Variants in MYO16 observed in about 807,000 individuals in gnomAD.
MYO16 encodes myosin XVI.
A neutral mutation model predicts 205.3 loss-of-function variants in MYO16; 94 were observed. That is an observed-to-expected ratio of 0.46 (90% CI 0.39 to 0.54). The LOEUF (loss-of-function observed/expected upper bound fraction) is 0.54, where lower values mean the gene tolerates loss of function less well. Ranked by LOEUF, MYO16 falls within the 20% of genes least tolerant of loss-of-function variation. The pLI, the probability that MYO16 is intolerant of heterozygous loss-of-function variation, is 0.00. For missense variants in MYO16, 2,315 were observed against 2,387.5 expected (o/e 0.97, Z 0.63); for synonymous variants, 988 against 954.0 (o/e 1.04, Z -0.66).
Position 109,177,514 on chromosome 13 carries a change from T to A in MYO16, c.5324-2028T>A, listed in dbSNP as rs1386604286. ...CTAATTTTATGTATTTATTTATTTA[T>A]TTATTATTTATTTATTTATGTTGAG... On this transcript the variant is annotated intron_variant, in intron 33 of 34. Transcript: ENST00000457511. Among the ~76,000 whole-genome samples, 5 of 151,752 alleles carry A rather than the reference T, an allele frequency of 3.3e-5. No individual in the cohort carries two copies. In the South Asian group the frequency reaches 8.3e-4, roughly 25 times the overall value.
At chr13:108,609,972 G>A (rs771513234) in intron 1 of MYO16, among the ~76,000 whole-genome samples, 1 of 151,916 alleles carries the variant, frequency 6.6e-6, no homozygotes, top group Non-Finnish European at 1.5e-5. Context: ...AAAGGAAATT[G>A]TCAGACCGTC....
At chr13:108,547,660 C>A in the MYO16 span, among the ~76,000 whole-genome samples, 1 of 152,144 alleles carries the variant, frequency 6.6e-6, no homozygotes, top group Non-Finnish European at 1.5e-5. Flanking sequence ...AGGCTATAGG[C>A]CATTTATCTA....
chr13:108,832,548 G>A (rs1004304474), intron 9 of MYO16, among the ~76,000 whole-genome samples: 1 of 151,942 alleles, frequency 6.6e-6, no homozygotes, highest in African/African-American at 2.4e-5. Flanking sequence ...GTTTCTGCTT[G>A]TTTCCCCAGC....
chr13:109,022,500 A>G (rs1164251302), intron 23 of MYO16, among the ~76,000 whole-genome samples: 1 of 50,254 alleles, frequency 2.0e-5, no homozygotes, highest in Non-Finnish European at 3.7e-5. Context: ...TATACAATAT[A>G]AACATATGTA....
intron 27 of MYO16, among the ~76,000 whole-genome samples, chr13:109,069,157 T>G (rs1363081654): frequency 1.3e-5 from 2 of 152,230 alleles, no homozygotes; most frequent in African/African-American, 2.4e-5. Flanking sequence ...ACTGGAAGTC[T>G]GCTTCCATTA....
At chr13:108,536,487 G>T in the MYO16 span, among the ~76,000 whole-genome samples, 1 of 151,400 alleles carries the variant, frequency 6.6e-6, no homozygotes, top group Admixed American at 6.6e-5. Flanking sequence ...GGGGGTGGGG[G>T]TTGAATTTTA....
In MYO16 at chr13:109,038,726, CT is replaced by C. The variant is rs981303317; in HGVS notation, c.2797-8181del. On this transcript the variant is annotated intron_variant, in intron 23 of 34. Coordinates refer to ENST00000457511, the MANE Select transcript of MYO16 (RefSeq NM_001198950.3). ...TCGGGCTGTCTTAGTCCAGATTATA[CT>C]TTTTTTTTAGAATCAAATTTGTTAT... Among the ~76,000 whole-genome samples the C allele has an allele frequency of 6.6e-5, 10 of 151,054 alleles. No individual in the cohort carries two copies. In the South Asian group the frequency reaches 8.4e-4, roughly 13 times the overall value.
intron 20 of MYO16, among the ~76,000 whole-genome samples, chr13:108,969,286 G>A (rs1243878657): frequency 6.6e-6 from 1 of 152,242 alleles, no homozygotes; most frequent in South Asian, 2.1e-4. Context: ...AACTAATAAA[G>A]TTGTTAAGTT....
At chr13:108,659,048 A>T (rs1227717183) in intron 1 of MYO16, among the ~76,000 whole-genome samples, 1 of 151,614 alleles carries the variant, frequency 6.6e-6, no homozygotes, top group East Asian at 1.9e-4. Flanking sequence ...ACAGCAGAAT[A>T]AATTTACATA....
the MYO16 span, among the ~76,000 whole-genome samples, chr13:108,503,968 TA>T: frequency 0.39 from 59,644 of 151,156 alleles, 12,577 homozygotes; most frequent in Non-Finnish European, 0.48. Flanking sequence ...GTTTTATTAT[TA>T]TTTTTTTTGC....
intron 32 of MYO16, among the ~76,000 whole-genome samples, chr13:109,157,266 A>C (rs1214783606): frequency 1.3e-5 from 1 of 76,302 alleles, no homozygotes; most frequent in African/African-American, 4.4e-5. Flanking sequence ...AAAAAAAAAA[A>C]AAACCTTATT....
intron 16 of MYO16, among the ~76,000 whole-genome samples, chr13:108,911,245 T>C (rs961690610): frequency 6.6e-6 from 1 of 152,180 alleles, no homozygotes; most frequent in African/African-American, 2.4e-5. Flanking sequence ...TCTGCTTTGC[T>C]GTGCTATTTC....
the MYO16 span, among the ~76,000 whole-genome samples, chr13:108,506,196 A>G: frequency 6.6e-6 from 1 of 152,162 alleles, no homozygotes; most frequent in Non-Finnish European, 1.5e-5. Flanking sequence ...TTTTTGCCAA[A>G]AAATGCCTTT....
chr13:109,083,929 G>A (rs1033523186), intron 27 of MYO16, among the ~76,000 whole-genome samples: 7 of 152,136 alleles, frequency 4.6e-5, no homozygotes, highest in Non-Finnish European at 7.3e-5. Flanking sequence ...ATCTGTGGTC[G>A]TATGCAGTAT....
At chr13:109,161,575 G>T (rs1208884073) in intron 32 of MYO16, among the ~76,000 whole-genome samples, 2 of 152,154 alleles carry the variant, frequency 1.3e-5, no homozygotes, top group African/African-American at 4.8e-5. Flanking sequence ...CCTGGGTGAT[G>T]GTAACTATTG....
chr13:108,588,761 A>G, the MYO16 span, among the ~76,000 whole-genome samples: 1 of 152,026 alleles, frequency 6.6e-6, no homozygotes, highest in Non-Finnish European at 1.5e-5. Flanking sequence ...GAGGCCTTGG[A>G]CATCCTTTCA....
chr13:108,824,910 A>C (rs1343991685), intron 9 of MYO16, among the ~76,000 whole-genome samples: 1 of 152,104 alleles, frequency 6.6e-6, no homozygotes, highest in Admixed American at 6.6e-5. Context: ...AGATTGAATT[A>C]GTCATCAAAA....
chr13:108,865,230 G>T (rs1878652799), intron 11 of MYO16, among the ~76,000 whole-genome samples: 1 of 152,012 alleles, frequency 6.6e-6, no homozygotes, highest in South Asian at 2.1e-4. Context: ...AATTTTGTCT[G>T]CTTGTTCCAT....
intron 1 of MYO16, among the ~76,000 whole-genome samples, chr13:108,663,153 G>A (rs1374461282): frequency 3.3e-5 from 5 of 152,104 alleles, no homozygotes; most frequent in Admixed American, 1.3e-4. Flanking sequence ...AGGATCTGTG[G>A]GTCCTCTCGG....
Sources: gnomAD v4.1 joint callset for allele counts (sites outside exome capture counted in the v4.1 genomes callset) on GRCh38, gnomAD v4.1.1 for gene constraint, MANE v1.5 for transcripts, NCBI Gene and HGNC (gene_info 2026-07-23, HGNC 2026-07-21) for gene names.